The following SERAC1 variants were observed in gnomAD, a reference collection of about 807,000 sequenced individuals.
SERAC1 encodes the protein serine active site containing 1.
Under a neutral mutation model 85.7 loss-of-function variants are expected in SERAC1, and 36 were observed. The ratio of observed to expected loss-of-function variants is 0.42; its 90% confidence interval spans 0.32 to 0.55. The LOEUF (loss-of-function observed/expected upper bound fraction) is 0.55. Ranked by LOEUF, SERAC1 falls within the 20% of genes least tolerant of loss-of-function variation. The pLI is 0.11. For missense variants in SERAC1, 629 were observed against 796.2 expected (o/e 0.79, Z 2.53); for synonymous variants, 242 against 265.3 (o/e 0.91, Z 0.85).
At chr6:158,133,646 A>G (rs1239544185) in intron 8 of SERAC1, among the ~76,000 whole-genome samples, 1 of 152,104 alleles carries the variant, frequency 6.6e-6, no homozygotes, top group Non-Finnish European at 1.5e-5. Flanking sequence ...CGGCCTCCCA[A>G]AGTGCTGGGA....
In SERAC1 at chr6:158,116,203, T is replaced by TCCAAA; in HGVS notation, c.1478_1482dup (p.Ile495PhefsTer25). ...CACTTACCTCCCATGCTATGTGATA[T>TCCAAA]CCAAACCACTGGCCTATCCCCAACA... On this transcript the variant is annotated frameshift_variant, in exon 14 of 17. Coordinates refer to ENST00000647468, the MANE Select transcript of SERAC1 (RefSeq NM_032861.4). LOFTEE classifies it high-confidence loss of function. 1.9e-6 allele frequency: 3 copies of TCCAAA among 1,614,054 alleles called. No homozygotes were observed. In the South Asian group the frequency reaches 3.3e-5, roughly 18 times the overall value.
chr6:158,152,661 T>C (rs1273126507), intron 3 of SERAC1: 1 of 152,260 alleles, frequency 6.6e-6, no homozygotes, highest in African/African-American at 2.4e-5. Flanking sequence ...GTGCCCTATA[T>C]AAGTGTACCA....
intron 14 of SERAC1, among the ~76,000 whole-genome samples, chr6:158,115,186 G>A (rs1784255613): frequency 6.6e-6 from 1 of 152,184 alleles, no homozygotes; most frequent in Admixed American, 6.5e-5. Flanking sequence ...CTACAAACAG[G>A]GATTCTAGAA....
At chr6:158,114,703 A>G (rs753704747) in intron 15 of SERAC1, 86 bp downstream of exon 15, 2 of 1,592,422 alleles carry the variant, frequency 1.3e-6, no homozygotes, top group Non-Finnish European at 8.6e-7. Flanking sequence ...AAATGAGATA[A>G]TACATTCAAG....
chr6:158,165,435 G>A (rs1227896556), intron 1 of SERAC1, among the ~76,000 whole-genome samples: 4 of 152,112 alleles, frequency 2.6e-5, no homozygotes, highest in Non-Finnish European at 5.9e-5. Flanking sequence ...GATTACAAGC[G>A]TGAGCCACCG....
chr6:158,114,987 G>A lies in SERAC1; in HGVS notation c.1502-16C>T, dbSNP rs1300242788. On this transcript the variant is annotated splice_polypyrimidine_tract_variant and intron_variant, in intron 14 of 16. Transcript: ENST00000647468. ...ACAAGAAGACCTAGCCACAGACAAG[G>A]GAAAAAAACAATGCATAAGCTATTT... 5.2e-5 allele frequency: 83 copies of A among 1,582,948 alleles called. No individual in the cohort carries two copies. Among genetic ancestry groups the A allele is most frequent in the Non-Finnish European group, 6.2e-5 (72 of 1,167,040 alleles).
chr6:158,147,415 C>A (rs985385050), intron 5 of SERAC1, among the ~76,000 whole-genome samples: 7 of 150,844 alleles, frequency 4.6e-5, no homozygotes, highest in South Asian at 2.1e-4. Context: ...TTTTTAAAAT[C>A]TTTTTCTCCC....
In SERAC1 at chr6:158,148,899, TG is replaced by T. The variant is rs771005846; in HGVS notation, c.320del (p.Ala107GlufsTer20). On this transcript the variant is annotated frameshift_variant, in exon 5 of 17. Transcript: ENST00000647468. LOFTEE classifies it high-confidence loss of function. ...GATTCCGCAGTATCTTGGCTGATGT[TG>T]CCAATACTTTTCTTACTGCTTTGTG... ...ELHKAVRKVL[A>X]TSAKILRNPF... 1.5e-5 allele frequency: 24 copies of T among 1,612,906 alleles called. No homozygotes were observed. The highest frequency in any genetic ancestry group is 2.0e-5 in the Non-Finnish European group (24 of 1,179,548).
chr6:158,146,193 A>G (rs1369973356), intron 6 of SERAC1: 1 of 152,220 alleles, frequency 6.6e-6, no homozygotes, highest in Non-Finnish European at 1.5e-5. Flanking sequence ...ATGTAACCAA[A>G]TAAAACTTTG....
intron 8 of SERAC1, among the ~76,000 whole-genome samples, chr6:158,135,954 C>T (rs1191356054): frequency 6.6e-6 from 1 of 152,100 alleles, no homozygotes; most frequent in Non-Finnish European, 1.5e-5. Flanking sequence ...GGACTACAGG[C>T]ACCTGCCACC....
intron 6 of SERAC1, 66 bp from the exon 7 acceptor site, chr6:158,144,486 G>A (rs1785006025): frequency 1.4e-6 from 2 of 1,453,464 alleles, no homozygotes; most frequent in Non-Finnish European, 9.3e-7. Flanking sequence ...AAGATTAACT[G>A]AACAAACAAC....
rs1256659478 is a variant in SERAC1 at position 158,159,990 on chromosome 6, T to C, written c.-1-1626A>G. On this transcript the variant is annotated intron_variant, in intron 1 of 16. Transcript: ENST00000647468. ...GTTACCTGATTCCAGTCAATATTTA[T>C]AAATATATCATACAAGCTTATTCTT... 4.6e-5 allele frequency among the ~76,000 whole-genome samples: 7 copies of C among 152,358 alleles called. No individual in the cohort carries two copies. In the South Asian group the frequency reaches 1.2e-3, roughly 27 times the overall value.
At chr6:158,156,825 T>C (rs1458676197) in intron 2 of SERAC1, among the ~76,000 whole-genome samples, 12 of 134,462 alleles carry the variant, frequency 8.9e-5, no homozygotes, top group Non-Finnish European at 1.9e-4. Context: ...TATAATATAT[T>C]AATATATTAT....
chr6:158,156,940 ATAT>A (rs1238827143), intron 2 of SERAC1, among the ~76,000 whole-genome samples: 6 of 140,222 alleles, frequency 4.3e-5, no homozygotes, highest in Non-Finnish European at 7.6e-5. Flanking sequence ...ATTTATATAG[ATAT>A]TAATATATTT....
chr6:158,132,753 C>T (rs930951330), intron 8 of SERAC1, among the ~76,000 whole-genome samples: 2 of 151,966 alleles, frequency 1.3e-5, no homozygotes, highest in Non-Finnish European at 2.9e-5. Flanking sequence ...GTAAGAAGTA[C>T]AAGCAAAAAG....
At chr6:158,162,800 C>CT (rs998466743) in intron 1 of SERAC1, among the ~76,000 whole-genome samples, 15 of 152,184 alleles carry the variant, frequency 9.9e-5, no homozygotes, top group Admixed American at 2.0e-4. Flanking sequence ...TACTTGCCTG[C>CT]TTTTTTTACA....
At chr6:158,151,213 G>A (rs1785196646) in intron 3 of SERAC1, 1 of 151,992 alleles carries the variant, frequency 6.6e-6, no homozygotes, top group Non-Finnish European at 1.5e-5. Flanking sequence ...TAGGCTAATG[G>A]GTTTGTGTTT....
chr6:158,117,525 G>A lies in SERAC1; in HGVS notation c.1403+202C>T. On this transcript the variant is annotated intron_variant, in intron 13 of 16. Transcript: ENST00000647468. This position sits in a 1 kb window ranked among gnomAD's most constrained non-coding sequence, Gnocchi z 4.3. ...ACCATGTTAGGAGCCCACCATTGGTGATATACCTAAGCCTTCTACTATTCC... is the reference window on the plus strand; with the variant it reads ...ACCATGTTAGGAGCCCACCATTGGTAATATACCTAAGCCTTCTACTATTCC... 1 of 1,550,554 alleles carries A rather than the reference G, an allele frequency of 6.4e-7. No homozygotes were observed. Among genetic ancestry groups the A allele is most frequent in the Non-Finnish European group, 8.7e-7 (1 of 1,146,942 alleles).
chr6:158,116,281 T>G lies in SERAC1; in HGVS notation c.1405A>C (p.Lys469Gln). ...TCGTTGCTTCTGAATGCAATGGACT[T>G]TCTGAACAAAACAAAAACAGCAGGC... Reference protein sequence around the residue: ...DWRARCPMERKSIAFRSNELL... With the variant: ...DWRARCPMERQSIAFRSNELL... The change falls in exon 14 of 17, where the codon AAG (lysine) becomes CAG (glutamine). Residue 469 changes from lysine to glutamine, a missense_variant and splice_region_variant. Transcript: ENST00000647468. The G allele has an allele frequency of 6.2e-7, 1 of 1,613,782 alleles. No homozygotes were observed. The highest frequency in any genetic ancestry group is 1.3e-5 in the African/African-American group (1 of 75,030).
Sources: gnomAD v4.1 joint callset for allele counts (sites outside exome capture counted in the v4.1 genomes callset) on GRCh38, gnomAD v4.1.1 for gene constraint, Gnocchi (gnomAD v3.1) non-coding constraint, MANE v1.5 for transcripts, NCBI Gene and HGNC (gene_info 2026-07-23, HGNC 2026-07-21) for gene names.